TRDN: variants seen among roughly 807,000 people sequenced by gnomAD.
TRDN encodes triadin in skeletal muscle.
Under a neutral mutation model 149.7 loss-of-function variants are expected in TRDN, and 161 were observed. That is an observed-to-expected ratio of 1.08 (90% confidence interval 0.95 to 1.23). The LOEUF (loss-of-function observed/expected upper bound fraction) is 1.23, where lower values mean the gene tolerates loss of function less well. Among genes scored for constraint, TRDN ranks in the 50% most tolerant of loss-of-function variants. TRDN has a pLI of 0.00. For synonymous variants in TRDN, 294 were observed against 250.5 expected (o/e 1.17, Z -1.64); for missense variants, 896 against 823.5 (o/e 1.09, Z -1.08).
intron 24 of TRDN, among the ~76,000 whole-genome samples, chr6:123,304,691 CAGCATTA>C (rs1217599977): frequency 2.6e-5 from 4 of 151,996 alleles, no homozygotes; most frequent in Non-Finnish European, 4.4e-5. Context: ...TTTCGGTGCA[CAGCATTA>C]AACACAGGTT....
At chr6:123,618,407 A>G (rs1785211893) in intron 1 of TRDN, among the ~76,000 whole-genome samples, 1 of 152,114 alleles carries the variant, frequency 6.6e-6, no homozygotes, top group African/African-American at 2.4e-5. Flanking sequence ...GCTGGCCACC[A>G]ACAGAAAAAG....
At chr6:123,319,335 T>C (rs1208947079) in intron 23 of TRDN, among the ~76,000 whole-genome samples, 1 of 152,046 alleles carries the variant, frequency 6.6e-6, no homozygotes, top group Non-Finnish European at 1.5e-5. Flanking sequence ...ATTAGGCTAC[T>C]TGATTTTTAA....
intron 2 of TRDN, among the ~76,000 whole-genome samples, chr6:123,556,364 G>C (rs940434486): frequency 6.6e-5 from 10 of 152,014 alleles, no homozygotes; most frequent in African/African-American, 2.2e-4. Flanking sequence ...TTTTAACATA[G>C]AGACCATATA....
Position 123,528,866 on chromosome 6 carries a change from A to G in TRDN, c.484+1640T>C, listed in dbSNP as rs202112563. On this transcript the variant is annotated intron_variant, in intron 5 of 40. Coordinates refer to ENST00000334268, the MANE Select transcript of TRDN (RefSeq NM_006073.4). ...CTCAGTGTGGAGCAACTGAAGCTCT[A>G]CTTTCACTTTCTTAAGAAATAGTTA... 2.4e-5 allele frequency: 25 copies of G among 1,027,246 alleles called. No individual in the cohort carries two copies. In the East Asian group the frequency reaches 1.3e-3, roughly 53 times the overall value. The allele number at this position is 1,027,246 out of a possible 1,614,324, so 63.6% of individuals were successfully genotyped here.
chr6:123,609,906 C>T (rs1003000044), intron 1 of TRDN, among the ~76,000 whole-genome samples: 4 of 152,046 alleles, frequency 2.6e-5, no homozygotes, highest in Admixed American at 1.3e-4. Context: ...AGGAGGCACT[C>T]GGTATATGAT....
At chr6:123,310,810 C>T (rs576011057) in intron 24 of TRDN, among the ~76,000 whole-genome samples, 9 of 151,564 alleles carry the variant, frequency 5.9e-5, no homozygotes, top group African/African-American at 2.2e-4. Context: ...GGAAAGTGAC[C>T]CATTTTGGAA....
chr6:123,472,141 G>A (rs894084264), intron 9 of TRDN, among the ~76,000 whole-genome samples: 5 of 152,208 alleles, frequency 3.3e-5, no homozygotes, highest in Non-Finnish European at 5.9e-5. Context: ...GCAGAAGACG[G>A]GTGATTTCTG....
chr6:123,361,193 T>C (rs1219528909), intron 20 of TRDN, among the ~76,000 whole-genome samples: 1 of 151,914 alleles, frequency 6.6e-6, no homozygotes, highest in Non-Finnish European at 1.5e-5. Context: ...CATAGAATAC[T>C]ATGCAGCCAT....
chr6:123,618,287 T>G (rs1247123560), intron 1 of TRDN, among the ~76,000 whole-genome samples: 5 of 152,168 alleles, frequency 3.3e-5, no homozygotes, highest in Non-Finnish European at 7.3e-5. Flanking sequence ...CTGGGGCCTC[T>G]AGAGAGAATC....
chr6:123,304,333 A>G (rs1341178126), intron 24 of TRDN, among the ~76,000 whole-genome samples: 1 of 146,700 alleles, frequency 6.8e-6, no homozygotes, highest in Non-Finnish European at 1.5e-5. Flanking sequence ...GCTCACTGCA[A>G]CCTCCGCCTC....
At position 123,636,235 on chromosome 6, in the gene TRDN, T is replaced by C. The variant is rs74532261; in HGVS notation, c.22+519A>G. On this transcript the variant is annotated intron_variant, in intron 1 of 40. Coordinates refer to ENST00000334268, the MANE Select transcript of TRDN (RefSeq NM_006073.4). ...TTAAATTGTATATAAATCATATATATGTATGTGTGTTTTACATACCCTAGT... is the reference window on the plus strand; with the variant it reads ...TTAAATTGTATATAAATCATATATACGTATGTGTGTTTTACATACCCTAGT... Among the ~76,000 whole-genome samples the C allele has an allele frequency of 0.016, 2,397 of 152,040 alleles. 80 individuals carry two copies. In the East Asian group the frequency reaches 0.17, roughly 11 times the overall value.
rs78998490 is a variant in TRDN, at chr6:123,519,723, C to G, written c.485-3517G>C. On this transcript the variant is annotated intron_variant, in intron 5 of 40. Transcript: ENST00000334268. ...CTGCATAGGACTAATCTTGAGTACC[C>G]AACCAAAAAAAAAAAATCAGATGGA... Among the ~76,000 whole-genome samples, 442 of 145,710 alleles carry G rather than the reference C, an allele frequency of 3.0e-3. 3 individuals carry two copies. Among genetic ancestry groups the G allele is most frequent in the African/African-American group, 0.011 (405 of 37,450 alleles).
chr6:123,603,730 C>T (rs919395861), intron 1 of TRDN, among the ~76,000 whole-genome samples: 1 of 152,074 alleles, frequency 6.6e-6, no homozygotes, highest in African/African-American at 2.4e-5. Context: ...ATTCTGAACC[C>T]TTTGCTGATA....
At chr6:123,474,516 A>G (rs1777359336) in intron 9 of TRDN, among the ~76,000 whole-genome samples, 1 of 152,230 alleles carries the variant, frequency 6.6e-6, no homozygotes, top group Admixed American at 6.5e-5. Flanking sequence ...AGACAGATCA[A>G]CAGACAGAAA....
intron 12 of TRDN, among the ~76,000 whole-genome samples, chr6:123,428,043 C>T (rs1015807987): frequency 1.3e-5 from 2 of 152,222 alleles, no homozygotes; most frequent in South Asian, 2.1e-4. Context: ...TAGATTTTCA[C>T]CATCTAGAAA....
At chr6:123,625,574 A>T (rs1032878676) in intron 1 of TRDN, among the ~76,000 whole-genome samples, 28 of 152,184 alleles carry the variant, frequency 1.8e-4, no homozygotes, top group African/African-American at 6.8e-4. Flanking sequence ...TTCATTGTAC[A>T]TTTAAAAATA....
chr6:123,293,823 G>A (rs1189047690), intron 24 of TRDN, among the ~76,000 whole-genome samples: 1 of 152,112 alleles, frequency 6.6e-6, no homozygotes, highest in Non-Finnish European at 1.5e-5. Flanking sequence ...ACTTGGAACA[G>A]AGATGAATGT....
chr6:123,433,640 G>GA (rs527240738), intron 12 of TRDN, among the ~76,000 whole-genome samples: 16 of 149,986 alleles, frequency 1.1e-4, no homozygotes, highest in Non-Finnish European at 1.6e-4. Context: ...GATAATTCCT[G>GA]AAAAAAAAAT....
At chr6:123,631,948 A>G (rs1246948584) in intron 1 of TRDN, among the ~76,000 whole-genome samples, 4 of 152,130 alleles carry the variant, frequency 2.6e-5, no homozygotes, top group African/African-American at 9.7e-5. Flanking sequence ...TAATTTTAAA[A>G]GACAACCACA....
Sources: gnomAD v4.1 joint callset for allele counts (sites outside exome capture counted in the v4.1 genomes callset) on GRCh38, gnomAD v4.1.1 for gene constraint, MANE v1.5 for transcripts, NCBI Gene and HGNC (gene_info 2026-07-23, HGNC 2026-07-21) for gene names.